LRRC69: variants seen among roughly 807,000 people sequenced by gnomAD.
The protein encoded by LRRC69 is leucine-rich repeat-containing protein 69.
Under a neutral mutation model 37.8 loss-of-function variants are expected in LRRC69, and 42 were observed. The ratio of observed to expected loss-of-function variants is 1.11; its 90% CI spans 0.87 to 1.44. The LOEUF (loss-of-function observed/expected upper bound fraction) is 1.44. LRRC69 is among the 40% of genes most tolerant of loss of function. LRRC69 has a pLI of 0.00. For missense variants in LRRC69, 357 were observed against 401.9 expected, an observed-to-expected ratio of 0.89 and a Z score of 0.96; for synonymous variants, 141 against 143.1, an observed-to-expected ratio of 0.99 and a Z score of 0.11.
intron 5 of LRRC69, among the ~76,000 whole-genome samples, chr8:91,177,464 A>G (rs1456630996): frequency 6.6e-6 from 1 of 152,180 alleles, no homozygotes; most frequent in Non-Finnish European, 1.5e-5. Flanking sequence ...AACTATATAT[A>G]TATTGAAATA....
intron 5 of LRRC69, among the ~76,000 whole-genome samples, chr8:91,172,642 A>C (rs1396074948): frequency 6.6e-6 from 1 of 151,906 alleles, no homozygotes; most frequent in East Asian, 1.9e-4. Flanking sequence ...CAGCCTCCCG[A>C]GTAGCTGGGA....
At chr8:91,104,415 TAATA>T (rs1019171326) in intron 1 of LRRC69, among the ~76,000 whole-genome samples, 5 of 152,138 alleles carry the variant, frequency 3.3e-5, no homozygotes, top group Admixed American at 6.6e-5. Context: ...TATATATTAC[TAATA>T]AATAAATATT....
At chr8:91,170,305 G>GA (rs397790869) in intron 5 of LRRC69, among the ~76,000 whole-genome samples, 2 of 17,000 alleles carry the variant, frequency 1.2e-4, no homozygotes, top group African/African-American at 3.5e-4. Context: ...TGTGTTTTTT[G>GA]CTGCATAAAT....
chr8:91,107,186 G>C (rs1412236551), intron 1 of LRRC69, among the ~76,000 whole-genome samples: 1 of 151,710 alleles, frequency 6.6e-6, no homozygotes, highest in African/African-American at 2.4e-5. Flanking sequence ...CCAGGCTGGA[G>C]TGCAGTGGCG....
intron 5 of LRRC69, among the ~76,000 whole-genome samples, chr8:91,185,002 AGTG>A (rs1809382924): frequency 6.6e-6 from 1 of 152,092 alleles, no homozygotes. Flanking sequence ...GGGGGAGTGA[AGTG>A]GTATGATTTG....
intron 5 of LRRC69, among the ~76,000 whole-genome samples, chr8:91,144,117 A>G (rs901920237): frequency 1.4e-4 from 22 of 151,918 alleles, no homozygotes; most frequent in Non-Finnish European, 3.1e-4. Context: ...CAGATATTGA[A>G]TGTTATTTTC....
At chr8:91,147,638 G>A (rs1808645611) in intron 5 of LRRC69, among the ~76,000 whole-genome samples, 1 of 151,552 alleles carries the variant, frequency 6.6e-6, no homozygotes, top group South Asian at 2.1e-4. Flanking sequence ...GAAATAATTG[G>A]ATACTTCTTA....
chr8:91,122,169 C>T (rs150246392), intron 1 of LRRC69, among the ~76,000 whole-genome samples: 10 of 152,054 alleles, frequency 6.6e-5, no homozygotes, highest in Admixed American at 2.6e-4. Flanking sequence ...TGGGACATTA[C>T]AAGCTGTTTC....
chr8:91,182,584 A>G (rs1481091417), intron 5 of LRRC69, among the ~76,000 whole-genome samples: 2 of 152,216 alleles, frequency 1.3e-5, no homozygotes, highest in Non-Finnish European at 2.9e-5. Flanking sequence ...ACTATGAGGA[A>G]CCTATAATTA....
At chr8:91,110,079 T>G (rs1700731108) in intron 1 of LRRC69, among the ~76,000 whole-genome samples, 1 of 152,074 alleles carries the variant, frequency 6.6e-6, no homozygotes. Flanking sequence ...CCTCATTAAT[T>G]TGATTCGATT....
At chr8:91,190,899 T>C (rs4735621) in intron 6 of LRRC69, among the ~76,000 whole-genome samples, 2,247 of 152,092 alleles carry the variant, frequency 0.015, 162 homozygotes, top group Admixed American at 0.12. Flanking sequence ...TACAAAATTT[T>C]AAAAACCTTA....
intron 6 of LRRC69, among the ~76,000 whole-genome samples, chr8:91,190,273 T>G (rs935583054): frequency 6.6e-6 from 1 of 152,074 alleles, no homozygotes; most frequent in Non-Finnish European, 1.5e-5. Flanking sequence ...ACTTTGTTTT[T>G]TTTTTTTTAA....
intron 1 of LRRC69, among the ~76,000 whole-genome samples, chr8:91,116,791 G>A (rs1012530020): frequency 2.0e-5 from 3 of 151,814 alleles, no homozygotes; most frequent in African/African-American, 4.8e-5. Context: ...CATATATTTG[G>A]CACTTAATTT....
intron 1 of LRRC69, among the ~76,000 whole-genome samples, chr8:91,108,610 A>G (rs984002001): frequency 2.6e-5 from 4 of 152,088 alleles, no homozygotes; most frequent in African/African-American, 9.6e-5. Flanking sequence ...AACTGAGTTA[A>G]GATCTAAAGC....
At chr8:91,217,920 T>C (rs1420302613) in intron 7 of LRRC69, among the ~76,000 whole-genome samples, 1 of 152,158 alleles carries the variant, frequency 6.6e-6, no homozygotes, top group African/African-American at 2.4e-5. Flanking sequence ...CAGCCACTGT[T>C]GGAGGTCTGT....
At chr8:91,202,285 TG>T (rs1809723522) in intron 7 of LRRC69, among the ~76,000 whole-genome samples, 1 of 152,142 alleles carries the variant, frequency 6.6e-6, no homozygotes, top group South Asian at 2.1e-4. Context: ...GTCTCACAGT[TG>T]TAGAGGCTAG....
At chr8:91,145,955 A>C (rs189350321) in intron 5 of LRRC69, among the ~76,000 whole-genome samples, 1 of 151,950 alleles carries the variant, frequency 6.6e-6, no homozygotes, top group East Asian at 1.9e-4. Context: ...ATTTTGTTCA[A>C]ATTCTTGTTT....
At chr8:91,116,809 A>G (rs1320695636) in intron 1 of LRRC69, among the ~76,000 whole-genome samples, 1 of 151,956 alleles carries the variant, frequency 6.6e-6, no homozygotes, top group Non-Finnish European at 1.5e-5. Context: ...TTTAAATTTA[A>G]TTTAAGTATT....
chr8:91,114,028 A>G (rs1813461423), intron 1 of LRRC69, among the ~76,000 whole-genome samples: 1 of 151,420 alleles, frequency 6.6e-6, no homozygotes, highest in Non-Finnish European at 1.5e-5. Flanking sequence ...TTTCAAAAGA[A>G]GACATGTAAA....
Sources: gnomAD v4.1 joint callset for allele counts (sites outside exome capture counted in the v4.1 genomes callset) on GRCh38, gnomAD v4.1.1 for gene constraint, MANE v1.5 for transcripts, NCBI Gene and HGNC (gene_info 2026-07-23, HGNC 2026-07-21) for gene names.